The following TENM3 variants were observed in gnomAD, a reference collection of about 807,000 sequenced individuals.
TENM3 encodes teneurin transmembrane protein 3.
A neutral mutation model predicts 255.1 loss-of-function variants in TENM3; 63 were observed. That is an observed-to-expected ratio of 0.25 (90% CI 0.20 to 0.30). The LOEUF (loss-of-function observed/expected upper bound fraction) is 0.30. TENM3 is among the 10% of genes least tolerant of loss of function. The pLI is 1.00. For synonymous variants in TENM3, 1,306 were observed against 1,322.3 expected (o/e 0.99, Z 0.27); for missense variants, 2,929 against 3,461.1 (o/e 0.85, Z 3.86).
chr4:182,568,009 T>C (rs920158788), intron 3 of TENM3, among the ~76,000 whole-genome samples: 1 of 152,206 alleles, frequency 6.6e-6, no homozygotes, highest in Non-Finnish European at 1.5e-5. Context: ...GGGGAAGATA[T>C]GAGTTCAGTA....
chr4:182,023,076 G>A, the TENM3 span, among the ~76,000 whole-genome samples: 1 of 152,174 alleles, frequency 6.6e-6, no homozygotes, highest in Non-Finnish European at 1.5e-5. Flanking sequence ...CAGTAATCTA[G>A]GTCAACAAGA....
chr4:181,542,410 G>T, the TENM3 span, among the ~76,000 whole-genome samples: 1 of 152,146 alleles, frequency 6.6e-6, no homozygotes, highest in African/African-American at 2.4e-5. Flanking sequence ...AGCCATTAAA[G>T]GTTTTGAGTA....
intron 4 of TENM3, among the ~76,000 whole-genome samples, chr4:182,604,976 G>T (rs1285663700): frequency 6.6e-6 from 1 of 152,122 alleles, no homozygotes; most frequent in Admixed American, 6.5e-5. Context: ...CCTAAACAGA[G>T]ATATTGTTTA....
the TENM3 span, among the ~76,000 whole-genome samples, chr4:182,061,955 TCAAA>T: frequency 6.6e-6 from 1 of 152,154 alleles, no homozygotes; most frequent in Non-Finnish European, 1.5e-5. Context: ...GGACCCTGTC[TCAAA>T]CAAATTAAAA....
chr4:181,748,451 C>G, the TENM3 span, among the ~76,000 whole-genome samples: 3 of 152,052 alleles, frequency 2.0e-5, no homozygotes, highest in African/African-American at 7.2e-5. Flanking sequence ...ATATTAAACA[C>G]TCAAATGCCA....
chr4:182,487,577 C>T (rs755128154), intron 3 of TENM3, among the ~76,000 whole-genome samples: 4 of 152,052 alleles, frequency 2.6e-5, no homozygotes, highest in Non-Finnish European at 4.4e-5. Context: ...TTTAGGTCTT[C>T]AGTCTAACAC....
chr4:182,458,973 A>T (rs1032981956), intron 3 of TENM3, among the ~76,000 whole-genome samples: 4 of 152,328 alleles, frequency 2.6e-5, no homozygotes, highest in Admixed American at 6.5e-5. Context: ...TTACTTTTCC[A>T]ATGTTCCGTT....
rs369446095 is a variant in TENM3, at chr4:182,673,436, T to G, written c.1326+217T>G. ...TTCTTCCTGATTTGACTGTTTAAAA[T>G]GTACTGAATTTTGTGAGGAACTTAA... On this transcript the variant is annotated intron_variant, in intron 7 of 27. Coordinates refer to ENST00000511685, the MANE Select transcript of TENM3 (RefSeq NM_001080477.4). Among the ~76,000 whole-genome samples, 24 of 152,318 alleles carry G rather than the reference T, an allele frequency of 1.6e-4. 1 individual carries two copies. In the East Asian group the frequency reaches 4.1e-3, roughly 26 times the overall value.
chr4:181,569,415 T>G, the TENM3 span, among the ~76,000 whole-genome samples: 1 of 152,228 alleles, frequency 6.6e-6, no homozygotes, highest in African/African-American at 2.4e-5. Flanking sequence ...CCTTTGTGTG[T>G]ACATTTTTAT....
the TENM3 span, among the ~76,000 whole-genome samples, chr4:181,629,075 G>A: frequency 0.066 from 10,110 of 152,124 alleles, 458 homozygotes; most frequent in East Asian, 0.14. Context: ...GGATTCCTGG[G>A]TATTTTATTC....
chr4:181,506,566 T>C, the TENM3 span, among the ~76,000 whole-genome samples: 15 of 151,820 alleles, frequency 9.9e-5, no homozygotes, highest in African/African-American at 3.6e-4. Flanking sequence ...CTGTCCGGCA[T>C]CATCTCAGAA....
At chr4:182,383,173 G>A (rs1006101291) in intron 3 of TENM3, among the ~76,000 whole-genome samples, 2 of 152,172 alleles carry the variant, frequency 1.3e-5, no homozygotes, top group Non-Finnish European at 2.9e-5. Flanking sequence ...AGACATCAGG[G>A]TAGGGAGATT....
At chr4:182,184,421 A>T (rs751652356) in intron 1 of TENM3, among the ~76,000 whole-genome samples, 4 of 152,082 alleles carry the variant, frequency 2.6e-5, no homozygotes, top group Non-Finnish European at 5.9e-5. Context: ...TTCATCACAG[A>T]TGTAAGCACT....
chr4:181,666,900 G>C, the TENM3 span, among the ~76,000 whole-genome samples: 12 of 152,054 alleles, frequency 7.9e-5, no homozygotes, highest in Admixed American at 7.9e-4. Flanking sequence ...TCCTGCACTA[G>C]TCCCATTTCA....
the TENM3 span, among the ~76,000 whole-genome samples, chr4:181,960,891 A>C: frequency 1.3e-5 from 2 of 152,138 alleles, no homozygotes; most frequent in African/African-American, 4.8e-5. Flanking sequence ...TCATCTCCCC[A>C]GCAACTCTGG....
At chr4:181,883,567 C>T in the TENM3 span, among the ~76,000 whole-genome samples, 3 of 152,044 alleles carry the variant, frequency 2.0e-5, no homozygotes, top group Non-Finnish European at 4.4e-5. Flanking sequence ...CTCCGCCTCC[C>T]AGGTTCACGC....
At chr4:181,509,102 G>C in the TENM3 span, among the ~76,000 whole-genome samples, 1 of 151,820 alleles carries the variant, frequency 6.6e-6, no homozygotes, top group Admixed American at 6.6e-5. Flanking sequence ...TCATAGGGAG[G>C]AAAGAAACTA....
intron 1 of TENM3, among the ~76,000 whole-genome samples, chr4:182,306,290 A>T (rs1762130398): frequency 6.6e-6 from 1 of 151,980 alleles, no homozygotes; most frequent in Admixed American, 6.6e-5. Context: ...TCCTAGGCTC[A>T]GGTGACCCTC....
the TENM3 span, among the ~76,000 whole-genome samples, chr4:181,745,448 T>C: frequency 6.6e-6 from 1 of 152,146 alleles, no homozygotes; most frequent in African/African-American, 2.4e-5. Flanking sequence ...TATTAATATG[T>C]TTTAAAATTG....
Sources: gnomAD v4.1 joint callset for allele counts (sites outside exome capture counted in the v4.1 genomes callset) on GRCh38, gnomAD v4.1.1 for gene constraint, MANE v1.5 for transcripts, NCBI Gene and HGNC (gene_info 2026-07-23, HGNC 2026-07-21) for gene names.